The following DHX38 variants were observed in gnomAD, a reference collection of about 807,000 sequenced individuals.
DHX38 encodes the protein pre-mRNA-splicing factor ATP-dependent RNA helicase PRP16.
DHX38 carries 100 observed loss-of-function variants against 153.1 expected under a neutral mutation model. That is an observed-to-expected ratio of 0.65 (90% CI 0.56 to 0.77). DHX38 has a LOEUF of 0.77. Among genes scored for constraint, DHX38 ranks in the 30% least tolerant of loss-of-function variants. DHX38 has a pLI of 0.00. For missense variants in DHX38, 1,440 were observed against 1,654.0 expected (o/e 0.87, Z 2.24); for synonymous variants, 650 against 631.7 (o/e 1.03, Z -0.43).
At chr16:72,100,366 T>G in intron 8 of DHX38, 70 bp from the exon 9 acceptor site, 1 of 1,549,826 alleles carries the variant, frequency 6.5e-7, no homozygotes. Flanking sequence ...ATGTGTGGAC[T>G]TACCTCATAA....
intron 4 of DHX38, 135 bp downstream of exon 4, chr16:72,097,916 G>T: frequency 1.1e-6 from 1 of 878,344 alleles, no homozygotes; most frequent in South Asian, 1.5e-5. Flanking sequence ...TGGGATAGTT[G>T]GTTCTGAGTC....
rs778097559 is a variant in DHX38 at position 72,109,537 on chromosome 16, G to T, written c.3477+27G>T. 3.1e-6 allele frequency: 5 copies of T among 1,594,654 alleles called. No homozygotes were observed. The Admixed American group carries it at 5.3e-5, about 17-fold the overall frequency. On this transcript the variant is annotated intron_variant, in intron 25 of 26. Coordinates refer to ENST00000268482, the MANE Select transcript of DHX38 (RefSeq NM_014003.4). ...TGAGGATTCTGTGCTCTTCGCAGGG[G>T]TGCTGTTTGCCTGTGGGGTCGGTGT...
chr16:72,101,266 C>G (rs2042096633), intron 10 of DHX38, 73 bp downstream of exon 10: 1 of 1,528,668 alleles, frequency 6.5e-7, no homozygotes, highest in Non-Finnish European at 9.0e-7. Flanking sequence ...ATAAGTCTTA[C>G]TAGGCCCACA....
rs766308056 is a variant in DHX38 at position 72,096,136 on chromosome 16, C to G, written c.-19-3C>G. The G allele has an allele frequency of 5.1e-6, 8 of 1,579,384 alleles. No individual in the cohort carries two copies. The highest frequency in any genetic ancestry group is 6.9e-6 in the Non-Finnish European group (8 of 1,157,912). On this transcript the variant is annotated splice_region_variant and splice_polypyrimidine_tract_variant and intron_variant, in intron 1 of 26. Transcript: ENST00000268482. ...AGTACCAAATGGTTTGCCTTCCTTC[C>G]AGAGAAATCCCAGATCCTGTGATGG...
At chr16:72,105,781 TTTGTTTAACCC>T (rs2042167665) in intron 18 of DHX38, among the ~76,000 whole-genome samples, 157 bp downstream of exon 18, 2 of 152,076 alleles carry the variant, frequency 1.3e-5, no homozygotes, top group Non-Finnish European at 2.9e-5. Flanking sequence ...CTGTGCTTGG[TTTGTTTAACCC>T]TTGTAATACT....
chr16:72,106,216 C>T, intron 19 of DHX38, 99 bp downstream of exon 19: 2 of 1,134,060 alleles, frequency 1.8e-6, no homozygotes, highest in Non-Finnish European at 2.6e-6. Context: ...TAGAGCTGGT[C>T]CCCAAGGCTG....
intron 9 of DHX38, among the ~76,000 whole-genome samples, 160 bp downstream of exon 9, chr16:72,100,757 C>A (rs2042088736): frequency 6.6e-6 from 1 of 152,126 alleles, no homozygotes; most frequent in Non-Finnish European, 1.5e-5. Flanking sequence ...ATAGTGAAAC[C>A]CTGTCTCAAA....
intron 9 of DHX38, 139 bp downstream of exon 9, chr16:72,100,736 G>T: frequency 7.9e-7 from 1 of 1,270,536 alleles, no homozygotes. Flanking sequence ...TTCAAGGCCT[G>T]CCTGGGCAAT....
rs773964201 is a variant in DHX38, at chr16:72,103,086, G to A, written c.1512G>A (p.Lys504=). Residue 504 remains lysine (K), a synonymous_variant, in exon 12 of 27, where the codon AAG becomes AAA. Transcript: ENST00000268482. The part of the protein sequence containing the change: ...DGKVDYRTEQ[K]FADHMKRKSE... ...TGTGTGTTCCTAGGACAGAGCAGAAGTTTGCAGATCACATGAAGAGAAAGA... is the reference window on the plus strand; with the variant it reads ...TGTGTGTTCCTAGGACAGAGCAGAAATTTGCAGATCACATGAAGAGAAAGA... The A allele has an allele frequency of 9.3e-6, 15 of 1,614,106 alleles. No individual in the cohort carries two copies. In the Admixed American group the frequency reaches 1.2e-4, roughly 13 times the overall value.
At position 72,097,755 on chromosome 16, in the gene DHX38, C is replaced by T. The variant is rs762555103; in HGVS notation, c.590C>T (p.Pro197Leu). The change falls in exon 4 of 27, where the codon CCC becomes CTC. Residue 197 changes from proline to leucine, a missense_variant. Physicochemically the swap from Pro to Leu is moderately conservative, Grantham distance 98. Around this residue, in one of 6 missense-constraint regions of DHX38, gnomAD observed 483 missense variants for 465.1 expected, o/e 1.04. Transcript: ENST00000268482. ...GSERSSRRNEPESPRHRPKDA... is the reference protein window; with the variant it reads ...GSERSSRRNELESPRHRPKDA... ...GAGCGTAGCAGCAGAAGAAATGAAC[C>T]CGAGAGCCCACGACATCGACCTAAA... The T allele has an allele frequency of 2.5e-6, 4 of 1,613,816 alleles. No homozygotes were observed. In the African/African-American group the frequency reaches 5.3e-5, roughly 22 times the overall value.
rs758566056 is a variant in DHX38 at position 72,099,796 on chromosome 16, A to G, written c.1025A>G (p.Tyr342Cys). 18 of 1,614,016 alleles carry G rather than the reference A, an allele frequency of 1.1e-5. No individual in the cohort carries two copies. Among genetic ancestry groups the G allele is most frequent in the Non-Finnish European group, 1.5e-5 (18 of 1,179,982 alleles). Reference protein sequence around the residue: ...GYDEFHNPLAYSSEDYVRRRE... With the variant: ...GYDEFHNPLACSSEDYVRRRE... ...GACGAGTTCCACAACCCGCTGGCCT[A>G]CTCCTCCGAGGACTACGTGAGGAGG... The change falls in exon 8 of 27, where the codon TAC becomes TGC. Residue 342 changes from tyrosine (Y) to cysteine (C), a missense_variant. By Grantham distance (194) the Tyr-to-Cys change is radical (BLOSUM62 -2). This residue lies in a region of DHX38 where 483 missense variants were observed against 465.1 expected (regional missense o/e 1.04). Coordinates refer to ENST00000268482, the MANE Select transcript of DHX38 (RefSeq NM_014003.4).
intron 8 of DHX38, among the ~76,000 whole-genome samples, chr16:72,100,225 A>G (rs1404672837): frequency 6.6e-6 from 1 of 152,078 alleles, no homozygotes; most frequent in Non-Finnish European, 1.5e-5. Flanking sequence ...GTTCTGATTT[A>G]GATGAAAGGT....
chr16:72,107,659 A>C lies in DHX38; in HGVS notation c.2824A>C (p.Thr942Pro). The change falls in exon 21 of 27, where the codon ACC becomes CCC. Residue 942 changes from threonine (T) to proline (P), a missense_variant. By Grantham distance (38) the Thr-to-Pro change is conservative. Around this residue, in one of 6 missense-constraint regions of DHX38, gnomAD observed 543 missense variants for 717.9 expected, o/e 0.76. Coordinates refer to ENST00000268482, the MANE Select transcript of DHX38 (RefSeq NM_014003.4). This position sits in a 1 kb window ranked among gnomAD's most constrained non-coding sequence, Gnocchi z 5.3. ...ATCTCTCCTAGGTGGTCTGACCTCT[A>C]CCGGGCGGCTGATGGTGGAGTTCCC... ...ALDNTGGLTS[T>P]GRLMVEFPLD... 1 of 1,613,942 alleles carries C rather than the reference A, an allele frequency of 6.2e-7. No individual in the cohort carries two copies.
rs754377993 is a variant in DHX38, at chr16:72,098,956, C to T, written c.794C>T (p.Thr265Met). Residue 265 changes from threonine to methionine, a missense_variant, in exon 6 of 27, where the codon ACG becomes ATG. Physicochemically the swap from Thr to Met is moderately conservative, Grantham distance 81. This residue lies in a region of DHX38 where 483 missense variants were observed against 465.1 expected (regional missense o/e 1.04). Transcript: ENST00000268482. ...GTGAGGGGCAAGTACTCGGATGACA[C>T]GCCTCTGCCAACTCCCTCCTACAAA... ...RSVRGKYSDD[T>M]PLPTPSYKYN... 9.9e-6 allele frequency: 16 copies of T among 1,614,022 alleles called. No individual in the cohort carries two copies. The highest frequency in any genetic ancestry group is 2.2e-5 in the East Asian group (1 of 44,902).
Position 72,100,441 on chromosome 16 carries a change from C to T in DHX38, c.1122C>T (p.Asn374=), listed in dbSNP as rs148166755. ...CTCCCATTGTGTCCTCACAGGATAACGAGCGCTGGGAGACAAACCGCATGC... is the reference window on the plus strand; with the variant it reads ...CTCCCATTGTGTCCTCACAGGATAATGAGCGCTGGGAGACAAACCGCATGC... The part of the protein sequence containing the change: ...SAQRRQINED[N]ERWETNRMLT... Residue 374 remains asparagine, a synonymous_variant, in exon 9 of 27, where the codon AAC becomes AAT. Transcript: ENST00000268482. The T allele has an allele frequency of 4.2e-5, 67 of 1,613,796 alleles. No homozygotes were observed. In the East Asian group the frequency reaches 5.4e-4, roughly 13 times the overall value.
Position 72,104,652 on chromosome 16 carries a change from T to C in DHX38, c.2151+26T>C. 1.2e-6 allele frequency: 2 copies of C among 1,613,718 alleles called. No individual in the cohort carries two copies. The highest frequency in any genetic ancestry group is 1.7e-6 in the Non-Finnish European group (2 of 1,179,818). On this transcript the variant is annotated intron_variant, in intron 15 of 26. Coordinates refer to ENST00000268482, the MANE Select transcript of DHX38 (RefSeq NM_014003.4). This position sits in a 1 kb window ranked among gnomAD's most constrained non-coding sequence, Gnocchi z 4.5. ...GTATTGAGGCCACCATGTTACGAACTGACCCTTCCATGCCACGCACTTCTC... is the reference window on the plus strand; with the variant it reads ...GTATTGAGGCCACCATGTTACGAACCGACCCTTCCATGCCACGCACTTCTC...
In DHX38 at chr16:72,108,235, G is replaced by T; in HGVS notation, c.2973G>T (p.Glu991Asp). 1 of 1,614,102 alleles carries T rather than the reference G, an allele frequency of 6.2e-7. No homozygotes were observed. The highest frequency in any genetic ancestry group is 2.2e-5 in the East Asian group (1 of 44,886). The change falls in exon 22 of 27, where the codon GAG (glutamate) becomes GAT (aspartate). Residue 991 changes from glutamate to aspartate, a missense_variant. Around this residue, in one of 6 missense-constraint regions of DHX38, gnomAD observed 543 missense variants for 717.9 expected, o/e 0.76. Coordinates refer to ENST00000268482, the MANE Select transcript of DHX38 (RefSeq NM_014003.4). ...TCTTTTTCCCTTCCTAGGGTCGAGA[G>T]GAGGAGAGTGATCAAATCCGGGAGA... ...PAIFYRPKGR[E>D]EESDQIREKF...
intron 1 of DHX38, 65 bp downstream of exon 1, chr16:72,094,116 A>G (rs941923627): frequency 6.6e-6 from 1 of 152,320 alleles, no homozygotes; most frequent in Non-Finnish European, 1.5e-5. Flanking sequence ...GGCGGCGGAT[A>G]TTGGTCCCCT....
At chr16:72,108,002 T>C (rs2042203078) in intron 21 of DHX38, among the ~76,000 whole-genome samples, 1 of 152,190 alleles carries the variant, frequency 6.6e-6, no homozygotes, top group African/African-American at 2.4e-5. Context: ...CTTTGGAAAT[T>C]TGCAAGAGCA....
Sources: allele counts gnomAD v4.1 joint callset (sites outside exome capture counted in the v4.1 genomes callset), GRCh38; gene constraint gnomAD v4.1.1; regional missense constraint gnomAD v4.1.1; non-coding constraint Gnocchi (gnomAD v3.1); transcripts MANE v1.5; gene names NCBI Gene and HGNC (gene_info 2026-07-23, HGNC 2026-07-21).